The following SLC12A4 variants were observed in gnomAD, a reference collection of about 807,000 sequenced individuals.
The protein encoded by SLC12A4 is electroneutral potassium-chloride cotransporter 1.
A neutral mutation model predicts 119.2 loss-of-function variants in SLC12A4; 84 were observed. That is an observed-to-expected ratio of 0.70 (90% confidence interval 0.59 to 0.85). SLC12A4 has a LOEUF of 0.85. SLC12A4 is among the 40% of genes least tolerant of loss of function. The pLI is 0.00. For missense variants in SLC12A4, 1,298 were observed against 1,476.3 expected, an observed-to-expected ratio of 0.88 and a Z score of 1.98; for synonymous variants, 599 against 604.6, an observed-to-expected ratio of 0.99 and a Z score of 0.14.
Position 67,944,252 on chromosome 16 carries a change from A to T in SLC12A4, c.*588T>A, listed in dbSNP as rs1313796706. ...GCCGGAAAGGGGCACAGCCTCAGGGAGCCGGCTCTGGGCCTGGGTTCAGTT... is the reference window on the plus strand; with the variant it reads ...GCCGGAAAGGGGCACAGCCTCAGGGTGCCGGCTCTGGGCCTGGGTTCAGTT... On this transcript the variant is annotated 3_prime_UTR_variant, in exon 24 of 24. Transcript: ENST00000316341. The surrounding 1 kb of genome is among the most constrained non-coding windows in gnomAD (Gnocchi z 6.6). 2.1e-6 allele frequency: 3 copies of T among 1,426,032 alleles called. No individual in the cohort carries two copies. The highest frequency in any genetic ancestry group is 1.8e-6 in the Non-Finnish European group (2 of 1,090,114). 88.3% of individuals were successfully genotyped at this position (1,426,032 alleles called of 1,614,324 possible). A position where few individuals can be genotyped will look rare whatever the true frequency, so the allele number is the denominator to read the frequency against.
intron 2 of SLC12A4, 138 bp from the exon 3 acceptor site, chr16:67,961,844 C>G (rs1313249362): frequency 6.2e-6 from 7 of 1,120,270 alleles, no homozygotes; most frequent in Admixed American, 4.4e-5. Context: ...CTGGGGAAGT[C>G]CAAGCCATCC....
In SLC12A4 at chr16:67,957,969, G is replaced by T; in HGVS notation, c.418C>A (p.Arg140=). The change falls in exon 4 of 24, where the codon CGG becomes AGG. Residue 140 remains arginine (R), a synonymous_variant. Transcript: ENST00000316341. ...GCTGTGCCCACCATCCAGGTCAGCC[G>T]CAGGAAGAGGATAACCCCAAAGATA... ...QNIFGVILFL[R]LTWMVGTAGV... is the part of the protein sequence containing the mutation. The T allele has an allele frequency of 6.2e-7, 1 of 1,614,180 alleles. No homozygotes were observed. The highest frequency in any genetic ancestry group is 8.5e-7 in the Non-Finnish European group (1 of 1,180,026).
At chr16:67,965,633 T>C (rs1028532775) in intron 1 of SLC12A4, among the ~76,000 whole-genome samples, 1 of 152,234 alleles carries the variant, frequency 6.6e-6, no homozygotes, top group African/African-American at 2.4e-5. Flanking sequence ...CACTGTTGCC[T>C]GGTCTTTCTG....
At chr16:67,963,396 G>T in intron 2 of SLC12A4, 69 bp downstream of exon 2, 1 of 1,037,134 alleles carries the variant, frequency 9.6e-7, no homozygotes, top group Non-Finnish European at 1.4e-6. Flanking sequence ...AGGCCCACGT[G>T]TCCAGCCTGC....
Position 67,966,718 on chromosome 16 carries a change from C to T in SLC12A4, c.115+1721G>A, listed in dbSNP as rs772203914. 1.0e-5 allele frequency: 16 copies of T among 1,551,208 alleles called. 1 individual carries two copies. The South Asian group carries it at 1.5e-4, about 15-fold the overall frequency. ...TCACTGTGCTTTGTGCCCTCTGACC[C>T]TTTGCAGTCCCCACCAAGGATCAAA... On this transcript the variant is annotated intron_variant, in intron 1 of 23. Coordinates refer to ENST00000316341, the MANE Select transcript of SLC12A4 (RefSeq NM_005072.5).
intron 6 of SLC12A4, among the ~76,000 whole-genome samples, chr16:67,953,563 G>A (rs980351397): frequency 6.6e-6 from 1 of 152,166 alleles, no homozygotes; most frequent in Non-Finnish European, 1.5e-5. Context: ...CTGCTAATGG[G>A]GGTTCTTGGG....
In SLC12A4 at chr16:67,944,031, G is replaced by A. The variant is rs1051642208; in HGVS notation, c.*809C>T. On this transcript the variant is annotated 3_prime_UTR_variant, in exon 24 of 24. Coordinates refer to ENST00000316341, the MANE Select transcript of SLC12A4 (RefSeq NM_005072.5). The surrounding 1 kb of genome is among the most constrained non-coding windows in gnomAD (Gnocchi z 6.6). Reference sequence around the variant, plus strand: ...GAAGAGCACATTGAGGAGCCAGAAGGGGGCGGCAGGAGGGAGCAGCAGCCC... The same window carrying A: ...GAAGAGCACATTGAGGAGCCAGAAGAGGGCGGCAGGAGGGAGCAGCAGCCC... 1.3e-6 allele frequency: 2 copies of A among 1,547,788 alleles called. No individual in the cohort carries two copies. Among genetic ancestry groups the A allele is most frequent in the South Asian group, 1.2e-5 (1 of 83,848 alleles).
chr16:67,966,031 A>G (rs781665657), intron 1 of SLC12A4, among the ~76,000 whole-genome samples: 2 of 152,224 alleles, frequency 1.3e-5, no homozygotes, highest in African/African-American at 4.8e-5. Flanking sequence ...TGGCCAGGGT[A>G]CGCATACCTA....
chr16:67,945,365 TCA>T lies in SLC12A4; in HGVS notation c.3032+2_3032+3del. 6.2e-7 allele frequency: 1 copy of T among 1,611,944 alleles called. No homozygotes were observed. Among genetic ancestry groups the T allele is most frequent in the South Asian group, 1.1e-5 (1 of 90,906 alleles). ...GCCGCTGGGGCTGTTTTTGCTGCAC[TCA>T]CGGCTTAATGTGCACCAGCTCCCGG... On this transcript the variant is annotated splice_donor_variant and splice_donor_region_variant and intron_variant, in intron 22 of 23. Transcript: ENST00000316341. LOFTEE classifies it high-confidence loss of function.
In SLC12A4 at chr16:67,951,184, G is replaced by A. The variant is rs2058411307; in HGVS notation, c.1253C>T (p.Thr418Ile). 1 of 1,613,970 alleles carries A rather than the reference G, an allele frequency of 6.2e-7. No homozygotes were observed. Among genetic ancestry groups the A allele is most frequent in the South Asian group, 1.1e-5 (1 of 91,092 alleles). The change falls in exon 9 of 24, where the codon ACA becomes ATA. Residue 418 changes from threonine to isoleucine, a missense_variant. Thr to Ile is a moderately conservative substitution (Grantham distance 89). Transcript: ENST00000316341. The surrounding 1 kb of genome is among the most constrained non-coding windows in gnomAD (Gnocchi z 5.2). The stretch of plus-strand genomic sequence containing the variant: ...GATGCCGACCAGCACGGTGAAGGAT[G>A]TGGCGATGTCAGCGACCACGTACAG... Reference protein sequence around the residue: ...LPLYVVADIATSFTVLVGIFF... With the variant: ...LPLYVVADIAISFTVLVGIFF...
rs751584846 is a variant in SLC12A4 at position 67,950,887 on chromosome 16, T to A, written c.1396+75A>T. The stretch of plus-strand genomic sequence containing the variant: ...TATGAGTGTGTGGGGTGTCTGTGCA[T>A]GTGACCTGGCAACGTACACAGGCCA... On this transcript the variant is annotated intron_variant, in intron 10 of 23. Coordinates refer to ENST00000316341, the MANE Select transcript of SLC12A4 (RefSeq NM_005072.5). The surrounding 1 kb of genome is among the most constrained non-coding windows in gnomAD (Gnocchi z 4.3). The A allele has an allele frequency of 1.9e-4, 283 of 1,516,400 alleles. No homozygotes were observed. Among genetic ancestry groups the A allele is most frequent in the Non-Finnish European group, 2.4e-4 (263 of 1,096,440 alleles). The allele number at this position is 1,516,400 out of a possible 1,614,324, so 93.9% of individuals were successfully genotyped here. A position where few individuals can be genotyped will look rare whatever the true frequency, so the allele number is the denominator to read the frequency against.
chr16:67,950,799 G>C lies in SLC12A4; in HGVS notation c.1397-88C>G. ...GCCCCCACCCCAGCCAGACTACCAGGACACCTACAGCTGGGAGTCTCGTGG... is the reference window on the plus strand; with the variant it reads ...GCCCCCACCCCAGCCAGACTACCAGCACACCTACAGCTGGGAGTCTCGTGG... On this transcript the variant is annotated intron_variant, in intron 10 of 23. Transcript: ENST00000316341. The surrounding 1 kb of genome is among the most constrained non-coding windows in gnomAD (Gnocchi z 4.3). 6.6e-7 allele frequency: 1 copy of C among 1,511,726 alleles called. No individual in the cohort carries two copies. The highest frequency in any genetic ancestry group is 2.4e-5 in the East Asian group (1 of 41,262). The allele number at this position is 1,511,726 out of a possible 1,614,324, so 93.6% of individuals were successfully genotyped here. A position where few individuals can be genotyped will look rare whatever the true frequency, so the allele number is the denominator to read the frequency against.
chr16:67,947,883 G>A (rs142944807), intron 14 of SLC12A4, 95 bp from the exon 15 acceptor site: 17 of 1,520,428 alleles, frequency 1.1e-5, no homozygotes, highest in Admixed American at 2.0e-5. Flanking sequence ...GGTCCCGGGT[G>A]GGAGGTCCCA....
At chr16:67,955,566 A>T (rs980190480) in intron 5 of SLC12A4, among the ~76,000 whole-genome samples, 2 of 151,832 alleles carry the variant, frequency 1.3e-5, no homozygotes, top group African/African-American at 4.8e-5. Flanking sequence ...TACTAAAAAA[A>T]GGAAATGATA....
intron 18 of SLC12A4, 42 bp from the exon 19 acceptor site, chr16:67,946,382 C>T (rs765006239): frequency 1.9e-6 from 3 of 1,603,428 alleles, no homozygotes; most frequent in South Asian, 2.2e-5. Context: ...CTGTGGCCCT[C>T]CGCCCACTGC....
chr16:67,957,169 A>ATTTT (rs34469845), intron 5 of SLC12A4, among the ~76,000 whole-genome samples: 2 of 120,800 alleles, frequency 1.7e-5, no homozygotes, highest in Non-Finnish European at 3.5e-5. Flanking sequence ...TGCCTGGCTA[A>ATTTT]TTTTTTTTTT....
rs757145930 is a variant in SLC12A4 at position 67,954,774 on chromosome 16, C to T, written c.545-1G>A. The T allele has an allele frequency of 6.2e-7, 1 of 1,614,172 alleles. No individual in the cohort carries two copies. Among genetic ancestry groups the T allele is most frequent in the Admixed American group, 1.7e-5 (1 of 60,014 alleles). ...GAGATCATGAAATAGGAGCCCCCAG[C>T]TACAGCAGAGAAATGAAAGTGTGCA... On this transcript the variant is annotated splice_acceptor_variant, in intron 5 of 23. Transcript: ENST00000316341. LOFTEE classifies it high-confidence loss of function.
chr16:67,964,043 G>C, intron 1 of SLC12A4: 1 of 1,550,500 alleles, frequency 6.4e-7, no homozygotes, highest in Non-Finnish European at 8.7e-7. Context: ...AAAGGTGGCC[G>C]GCTGGCTACC....
intron 5 of SLC12A4, among the ~76,000 whole-genome samples, chr16:67,956,584 G>C (rs960951805): frequency 6.6e-6 from 1 of 151,742 alleles, no homozygotes; most frequent in Non-Finnish European, 1.5e-5. Flanking sequence ...TGAGGCATGA[G>C]AATCACTTAG....
Sources: allele counts gnomAD v4.1 joint callset (sites outside exome capture counted in the v4.1 genomes callset), GRCh38; gene constraint gnomAD v4.1.1; non-coding constraint Gnocchi (gnomAD v3.1); transcripts MANE v1.5; gene names NCBI Gene and HGNC (gene_info 2026-07-23, HGNC 2026-07-21).